Variants in VCL observed in about 807,000 individuals in gnomAD.
The protein encoded by VCL is epididymis luminal protein 114.
A neutral mutation model predicts 125.7 loss-of-function variants in VCL; 47 were observed. That is an observed-to-expected ratio of 0.37 (90% CI 0.30 to 0.48). The LOEUF (loss-of-function observed/expected upper bound fraction) is 0.48. Among genes scored for constraint, VCL ranks in the 20% least tolerant of loss-of-function variants. The pLI is 0.99. For synonymous variants in VCL, 458 were observed against 514.6 expected, an observed-to-expected ratio of 0.89 and a Z score of 1.49; for missense variants, 1,069 against 1,455.5, an observed-to-expected ratio of 0.73 and a Z score of 4.32.
intron 1 of VCL, among the ~76,000 whole-genome samples, chr10:74,014,550 TAAA>T (rs76911010): frequency 1.6e-5 from 2 of 126,762 alleles, no homozygotes; most frequent in Admixed American, 8.1e-5. Context: ...CCTATTTTCT[TAAA>T]AAAAAAAAAA....
Position 74,112,067 on chromosome 10 carries a change from C to T in VCL, c.2904C>T (p.Ala968=), listed in dbSNP as rs558112511. 14 of 1,614,052 alleles carry T rather than the reference C, an allele frequency of 8.7e-6. No homozygotes were observed. Among genetic ancestry groups the T allele is most frequent in the South Asian group, 3.3e-5 (3 of 91,078 alleles). The part of the protein sequence containing the change: ...SNQPVNQPIL[A]AAQSLHREAT... ...AGCCGGTCAACCAGCCCATTCTGGC[C>T]GCGGCTCAGTCCTTGCATCGGGAAG... The change falls in exon 19 of 22, where the codon GCC becomes GCT. Residue 968 remains alanine (A), a synonymous_variant. Coordinates refer to ENST00000211998, the MANE Select transcript of VCL (RefSeq NM_014000.3).
In VCL at chr10:74,023,655, A is replaced by G. The variant is rs191256444; in HGVS notation, c.169-19428A>G. Among the ~76,000 whole-genome samples the G allele has an allele frequency of 2.0e-5, 3 of 152,384 alleles. No individual in the cohort carries two copies. In the East Asian group the frequency reaches 5.8e-4, roughly 29 times the overall value. On this transcript the variant is annotated intron_variant, in intron 1 of 21. Coordinates refer to ENST00000211998, the MANE Select transcript of VCL (RefSeq NM_014000.3). The stretch of plus-strand genomic sequence containing the variant: ...GGCAACTGTTCAATATCTAGGCTGC[A>G]GTATTGATGTTTTATATTGGTAAGC...
intron 13 of VCL, among the ~76,000 whole-genome samples, chr10:74,100,259 T>A (rs1407567749): frequency 6.6e-6 from 1 of 152,244 alleles, no homozygotes; most frequent in East Asian, 1.9e-4. Context: ...CTCCACAGTA[T>A]GCAACCTTGC....
chr10:74,050,512 T>C (rs1252749700), intron 2 of VCL, among the ~76,000 whole-genome samples: 1 of 152,250 alleles, frequency 6.6e-6, no homozygotes, highest in African/African-American at 2.4e-5. Context: ...AGATCTCTTT[T>C]GACCTAAAGT....
chr10:74,078,452 A>G (rs1294521204), intron 6 of VCL, among the ~76,000 whole-genome samples: 1 of 152,194 alleles, frequency 6.6e-6, no homozygotes, highest in Non-Finnish European at 1.5e-5. Context: ...GCTTTCTATG[A>G]GCAAGTGTTC....
At position 74,118,600 on chromosome 10, in the gene VCL, A is replaced by G. The variant is rs1462294272; in HGVS notation, c.*431A>G. The G allele has an allele frequency of 3.9e-6, 1 of 254,128 alleles. No individual in the cohort carries two copies. The highest frequency in any genetic ancestry group is 9.4e-5 in the East Asian group (1 of 10,618). 15.7% of individuals were successfully genotyped at this position (254,128 alleles called of 1,614,324 possible). A position where few individuals can be genotyped will look rare whatever the true frequency, so the allele number is the denominator to read the frequency against. On this transcript the variant is annotated 3_prime_UTR_variant, in exon 22 of 22. Coordinates refer to ENST00000211998, the MANE Select transcript of VCL (RefSeq NM_014000.3). ...GGGCCCAGGCAAATCAGTTACTAAG[A>G]AGAAAATTGCTGTGCCTCCCAAAAT...
At chr10:74,104,210 C>T (rs1478895870) in intron 15 of VCL, among the ~76,000 whole-genome samples, 1 of 152,174 alleles carries the variant, frequency 6.6e-6, no homozygotes, top group African/African-American at 2.4e-5. Context: ...TGAATAGTGT[C>T]TTTGCCCAGT....
At chr10:74,070,526 T>C in intron 2 of VCL, 144 bp from the exon 3 acceptor site, 4 of 1,146,578 alleles carry the variant, frequency 3.5e-6, no homozygotes, top group Non-Finnish European at 5.2e-6. Context: ...TCTAAAAACG[T>C]AGGTTCTATT....
intron 8 of VCL, among the ~76,000 whole-genome samples, chr10:74,085,663 A>G (rs1220477821): frequency 6.6e-6 from 1 of 152,170 alleles, no homozygotes; most frequent in Non-Finnish European, 1.5e-5. Flanking sequence ...AGATTTTTAT[A>G]GAATTTTATG....
rs956909223 is a variant in VCL at position 74,118,456 on chromosome 10, G to C, written c.*287G>C. The C allele has an allele frequency of 1.1e-4, 47 of 442,270 alleles. No homozygotes were observed. Among genetic ancestry groups the C allele is most frequent in the Non-Finnish European group, 1.9e-4 (45 of 238,368 alleles). The allele number at this position is 442,270 out of a possible 1,614,324, so 27.4% of individuals were successfully genotyped here. ...TTTCTAGCCCATGGACTTCACATAA[G>C]CTCAGAATCCAAGTGAACACTAGCC... On this transcript the variant is annotated 3_prime_UTR_variant, in exon 22 of 22. Transcript: ENST00000211998.
At chr10:74,109,556 A>AGATGAAAT (rs1426080379) in intron 18 of VCL, among the ~76,000 whole-genome samples, 1 of 146,720 alleles carries the variant, frequency 6.8e-6, no homozygotes, top group African/African-American at 2.6e-5. Context: ...TGCTAAAGCT[A>AGATGAAAT]GATGAAATGT....
At chr10:74,025,923 C>T (rs1256187147) in intron 1 of VCL, among the ~76,000 whole-genome samples, 2 of 152,036 alleles carry the variant, frequency 1.3e-5, no homozygotes, top group Non-Finnish European at 2.9e-5. Context: ...GAGAGGGATC[C>T]TGGAGAAAAA....
In VCL at chr10:74,071,237, T is replaced by C. The variant is rs143333136; in HGVS notation, c.499+154T>C. Among the ~76,000 whole-genome samples, 1 of 152,240 alleles carries C rather than the reference T, an allele frequency of 6.6e-6. No homozygotes were observed. Among genetic ancestry groups the C allele is most frequent in the African/African-American group, 2.4e-5 (1 of 41,462 alleles). On this transcript the variant is annotated intron_variant, in intron 4 of 21. Coordinates refer to ENST00000211998, the MANE Select transcript of VCL (RefSeq NM_014000.3). This position sits in a 1 kb window ranked among gnomAD's most constrained non-coding sequence, Gnocchi z 4.1. Reference sequence around the variant, plus strand: ...TGTTGATGGAGATGATGCTGTGCTTTGAGGTGATGTCATTATCTCTGGTAT... The same window carrying C: ...TGTTGATGGAGATGATGCTGTGCTTCGAGGTGATGTCATTATCTCTGGTAT...
At chr10:74,081,195 A>C (rs1323510509) in intron 6 of VCL, among the ~76,000 whole-genome samples, 1 of 152,200 alleles carries the variant, frequency 6.6e-6, no homozygotes, top group Middle Eastern at 3.2e-3. Flanking sequence ...AGAGCCTTAG[A>C]TAGCCAAGGA....
intron 1 of VCL, among the ~76,000 whole-genome samples, chr10:74,042,549 G>A (rs1198494540): frequency 2.0e-5 from 3 of 151,910 alleles, no homozygotes; most frequent in South Asian, 2.1e-4. Flanking sequence ...TTTTTAACTC[G>A]CACTATAATT....
At chr10:74,102,117 G>C (rs1352841635) in intron 14 of VCL, among the ~76,000 whole-genome samples, 2 of 151,890 alleles carry the variant, frequency 1.3e-5, no homozygotes, top group Non-Finnish European at 2.9e-5. Flanking sequence ...CGCCCACCTC[G>C]GCCTCCCAAA....
At chr10:74,112,321 G>A (rs565470858) in intron 19 of VCL, among the ~76,000 whole-genome samples, 38 of 152,232 alleles carry the variant, frequency 2.5e-4, no homozygotes, top group African/African-American at 9.2e-4. Flanking sequence ...TATGTTTAGG[G>A]GATGAAGAGA....
At chr10:74,058,970 A>G (rs1172267789) in intron 2 of VCL, among the ~76,000 whole-genome samples, 2 of 152,200 alleles carry the variant, frequency 1.3e-5, no homozygotes, top group Non-Finnish European at 2.9e-5. Context: ...AAGAGCTCAA[A>G]GAGATGCTGC....
intron 1 of VCL, among the ~76,000 whole-genome samples, chr10:74,014,773 C>T (rs1328630760): frequency 6.6e-6 from 1 of 152,170 alleles, no homozygotes; most frequent in Non-Finnish European, 1.5e-5. Context: ...CAGCCCACTG[C>T]AACCTCCACC....
Sources: gnomAD v4.1 joint callset for allele counts (sites outside exome capture counted in the v4.1 genomes callset) on GRCh38, gnomAD v4.1.1 for gene constraint, Gnocchi (gnomAD v3.1) non-coding constraint, MANE v1.5 for transcripts, NCBI Gene and HGNC (gene_info 2026-07-23, HGNC 2026-07-21) for gene names.